Variants in PLSCR1 observed in about 807,000 individuals in gnomAD.
PLSCR1 encodes the protein phospholipid scramblase 1, also known as PL scramblase 1.
A neutral mutation model predicts 37.8 loss-of-function variants in PLSCR1; 17 were observed. The observed-to-expected ratio is 0.45, with a 90% confidence interval of 0.31 to 0.68. PLSCR1 has a LOEUF of 0.68. PLSCR1 is among the 30% of genes least tolerant of loss of function. PLSCR1 has a pLI of 0.06. For synonymous variants in PLSCR1, 116 were observed against 125.9 expected (o/e 0.92, Z 0.53); for missense variants, 347 against 380.9 (o/e 0.91, Z 0.74).
intron 1 of PLSCR1, among the ~76,000 whole-genome samples, chr3:146,538,537 C>T (rs1009123208): frequency 6.6e-6 from 1 of 152,034 alleles, no homozygotes; most frequent in African/African-American, 2.4e-5. Flanking sequence ...CTCTCTATAA[C>T]ATGCTTAGCT....
intron 5 of PLSCR1, among the ~76,000 whole-genome samples, chr3:146,524,955 C>G (rs1249594805): frequency 6.6e-6 from 1 of 152,072 alleles, no homozygotes. Context: ...TAAATCTATC[C>G]AGGGTCTTCT....
chr3:146,515,774 C>T lies in PLSCR1; in HGVS notation c.*271G>A, dbSNP rs1409920541. 3.6e-6 allele frequency: 1 copy of T among 274,746 alleles called. No homozygotes were observed. The highest frequency in any genetic ancestry group is 6.7e-6 in the Non-Finnish European group (1 of 149,388). The allele number at this position is 274,746 out of a possible 1,614,324, so 17.0% of individuals were successfully genotyped here. On this transcript the variant is annotated 3_prime_UTR_variant, in exon 9 of 9. Coordinates refer to ENST00000342435, the MANE Select transcript of PLSCR1 (RefSeq NM_021105.3). ...TTTGGTAGTAAAATGGACAATGAAT[C>T]AGAGATCATAATTCAAAGCAGTTTT...
intron 1 of PLSCR1, among the ~76,000 whole-genome samples, 187 bp downstream of exon 1, chr3:146,544,280 C>A (rs2044375922): frequency 6.6e-6 from 1 of 152,210 alleles, no homozygotes; most frequent in African/African-American, 2.4e-5. Context: ...AGGCCTCTTG[C>A]ATTTCTGGCC....
chr3:146,529,093 G>C (rs1198517154), intron 3 of PLSCR1, among the ~76,000 whole-genome samples: 67 of 152,116 alleles, frequency 4.4e-4, no homozygotes, highest in Non-Finnish European at 8.8e-5. Context: ...TTTAATATCT[G>C]AGAAAATGAA....
chr3:146,533,750 C>T (rs60601385), intron 2 of PLSCR1, among the ~76,000 whole-genome samples, 200 bp from the exon 3 acceptor site: 13,376 of 152,208 alleles, frequency 0.088, 808 homozygotes, highest in Non-Finnish European at 0.11. Context: ...CAAACAAATT[C>T]TCCTTTAGAT....
chr3:146,534,546 T>C (rs1197628538), intron 2 of PLSCR1, among the ~76,000 whole-genome samples: 4 of 152,128 alleles, frequency 2.6e-5, no homozygotes, highest in African/African-American at 4.8e-5. Context: ...ATCAGGAAGA[T>C]TGGATTGTTT....
At chr3:146,534,650 A>C (rs930009139) in intron 2 of PLSCR1, among the ~76,000 whole-genome samples, 1 of 152,014 alleles carries the variant, frequency 6.6e-6, no homozygotes, top group Non-Finnish European at 1.5e-5. Flanking sequence ...AAATCAGGCA[A>C]AAAAACCGCT....
At chr3:146,522,723 C>A (rs977021671) in intron 5 of PLSCR1, among the ~76,000 whole-genome samples, 1 of 152,084 alleles carries the variant, frequency 6.6e-6, no homozygotes, top group African/African-American at 2.4e-5. Flanking sequence ...GGAAGGAACG[C>A]GTCTTTGCAG....
At chr3:146,537,299 T>G (rs2044278378) in intron 1 of PLSCR1, among the ~76,000 whole-genome samples, 1 of 152,130 alleles carries the variant, frequency 6.6e-6, no homozygotes, top group Non-Finnish European at 1.5e-5. Context: ...CCCACTACTA[T>G]CCTGTCACTA....
At chr3:146,543,435 G>C (rs376980389) in intron 1 of PLSCR1, among the ~76,000 whole-genome samples, 1 of 152,290 alleles carries the variant, frequency 6.6e-6, no homozygotes, top group African/African-American at 2.4e-5. Context: ...TTGTAAACAG[G>C]GTGGCATTAA....
At chr3:146,527,626 T>C (rs146436289) in intron 4 of PLSCR1, among the ~76,000 whole-genome samples, 254 of 152,342 alleles carry the variant, frequency 1.7e-3, no homozygotes, top group African/African-American at 5.7e-3. Flanking sequence ...TGTGATAACA[T>C]CCTTTATGTA....
At chr3:146,527,155 A>C (rs2044129634) in intron 4 of PLSCR1, among the ~76,000 whole-genome samples, 1 of 152,154 alleles carries the variant, frequency 6.6e-6, no homozygotes, top group Non-Finnish European at 1.5e-5. Context: ...AGTAGATACT[A>C]GAATAGTGGT....
chr3:146,523,070 T>A (rs544960141), intron 5 of PLSCR1, among the ~76,000 whole-genome samples: 1 of 152,304 alleles, frequency 6.6e-6, no homozygotes, highest in African/African-American at 2.4e-5. Context: ...CTAAGGGAAC[T>A]CAGAGGCCGG....
intron 3 of PLSCR1, 136 bp from the exon 4 acceptor site, chr3:146,528,967 C>G (rs1456602019): frequency 1.5e-6 from 1 of 647,584 alleles, no homozygotes; most frequent in Non-Finnish European, 2.6e-6. Flanking sequence ...ATACGCTTTT[C>G]TCTTTCTGAG....
chr3:146,526,708 A>G (rs1433854331), intron 4 of PLSCR1, among the ~76,000 whole-genome samples: 1 of 152,232 alleles, frequency 6.6e-6, no homozygotes, highest in African/African-American at 2.4e-5. Flanking sequence ...AGCCATAAAA[A>G]TGAATGAAAT....
chr3:146,528,169 A>G (rs1226954380), intron 4 of PLSCR1: 1 of 158,724 alleles, frequency 6.3e-6, no homozygotes, highest in African/African-American at 2.4e-5. Context: ...ACTAAAGAGC[A>G]CTTCGCTCAG....
intron 5 of PLSCR1, among the ~76,000 whole-genome samples, chr3:146,523,090 G>A (rs75500221): frequency 0.02 from 3,017 of 152,190 alleles, 112 homozygotes; most frequent in African/African-American, 0.068. Flanking sequence ...GTGCTGGCGC[G>A]GGTCCTCCGT....
intron 4 of PLSCR1, among the ~76,000 whole-genome samples, chr3:146,527,566 T>C (rs1414098023): frequency 1.3e-5 from 2 of 152,200 alleles, no homozygotes; most frequent in Non-Finnish European, 2.9e-5. Flanking sequence ...GATTTTTTTT[T>C]ACAAGTTTCA....
chr3:146,543,207 G>T (rs1005208968), intron 1 of PLSCR1, among the ~76,000 whole-genome samples: 1 of 152,176 alleles, frequency 6.6e-6, no homozygotes, highest in Non-Finnish European at 1.5e-5. Flanking sequence ...CATTCTTAGA[G>T]ATGAAGATGG....
Sources: gnomAD v4.1 joint callset for allele counts (sites outside exome capture counted in the v4.1 genomes callset) on GRCh38, gnomAD v4.1.1 for gene constraint, MANE v1.5 for transcripts, NCBI Gene and HGNC (gene_info 2026-07-23, HGNC 2026-07-21) for gene names.